DMD: variants seen among roughly 807,000 people sequenced by gnomAD.
The protein encoded by DMD is mutant dystrophin.
DMD carries 63 observed loss-of-function variants against 330.1 expected under a neutral mutation model. That is an observed-to-expected ratio of 0.19 (90% CI 0.16 to 0.24). The LOEUF (loss-of-function observed/expected upper bound fraction) is 0.24, where lower values mean the gene tolerates loss of function less well. DMD is among the 10% of genes least tolerant of loss of function. DMD has a pLI of 1.00. For missense variants in DMD, 3,344 were observed against 2,684.1 expected, an observed-to-expected ratio of 1.25 and a Z score of -5.43; for synonymous variants, 1,223 against 959.8, an observed-to-expected ratio of 1.27 and a Z score of -5.07.
rs1170018974 is a variant in DMD, at chrX:31,373,909, C to T, written c.9085-25275G>A. 8.9e-3 allele frequency among the ~76,000 whole-genome samples: 972 copies of T among 109,672 alleles called. 14 individuals are homozygous for T. Among genetic ancestry groups the T allele is most frequent in the African/African-American group, 0.03 (905 of 29,863 alleles). On this transcript the variant is annotated intron_variant, in intron 60 of 78. Transcript: ENST00000357033. ...ACCTACAAAATGGGAGAAAAATTTT[C>T]GCAACCTGCTCATCTGACAAAGGGC... is the stretch of plus-strand genomic sequence containing the variant.
intron 70 of DMD, 39 bp downstream of exon 70, chrX:31,178,630 C>T: frequency 8.4e-7 from 1 of 1,188,312 alleles, no homozygotes; most frequent in Non-Finnish European, 1.1e-6. Context: ...TTCAAATATA[C>T]ATCAAACAAG....
At chrX:31,732,169 C>T (rs994959738) in intron 51 of DMD, among the ~76,000 whole-genome samples, 4 of 94,168 alleles carry the variant, frequency 4.2e-5, no homozygotes, top group Non-Finnish European at 8.3e-5. Flanking sequence ...AACTGCAGTA[C>T]AACTATGCAT....
chrX:32,663,378 A>G (rs1233056695), intron 9 of DMD, among the ~76,000 whole-genome samples: 1 of 111,986 alleles, frequency 8.9e-6, no homozygotes, highest in East Asian at 2.8e-4. Flanking sequence ...TGTCTAGCCT[A>G]TCTACTGGCA....
At chrX:32,667,578 T>C (rs1030367829) in intron 9 of DMD, among the ~76,000 whole-genome samples, 3 of 111,464 alleles carry the variant, frequency 2.7e-5, no homozygotes, top group African/African-American at 6.5e-5. Flanking sequence ...TAGGACATGA[T>C]AATCATCTAA....
At position 32,386,311 on chromosome X, in the gene DMD, T is replaced by G; in HGVS notation, c.4673A>C (p.Lys1558Thr). 1 of 1,206,912 alleles carries G rather than the reference T, an allele frequency of 8.3e-7. No individual in the cohort carries two copies. The highest frequency in any genetic ancestry group is 2.3e-4 in the Middle Eastern group (1 of 4,341). ...LKLHYNELGA[K>T]VTERKQQLEK... ...TTTGTGGTCTCAGCATGCACACACC[T>G]TTGCTCCCAGCTCATTATAATGCAA... The change falls in exon 33 of 79, where the codon AAG becomes ACG. Residue 1558 changes from lysine to threonine, a missense_variant and splice_region_variant. Lys to Thr is a moderately conservative substitution (Grantham distance 78, BLOSUM62 -1). Transcript: ENST00000357033.
intron 45 of DMD, among the ~76,000 whole-genome samples, chrX:31,958,828 G>A (rs1416950544): frequency 3.6e-5 from 4 of 111,401 alleles, no homozygotes; most frequent in East Asian, 5.7e-4. Context: ...ATTCAAATGC[G>A]TGTTTTCTGA....
intron 44 of DMD, among the ~76,000 whole-genome samples, chrX:31,972,240 G>C (rs773830715): frequency 9.0e-6 from 1 of 111,447 alleles, no homozygotes; most frequent in Non-Finnish European, 1.9e-5. Flanking sequence ...CTAAATTATA[G>C]AAAATAACAC....
At chrX:33,201,667 C>T (rs1192983228) in intron 1 of DMD, among the ~76,000 whole-genome samples, 2 of 112,125 alleles carry the variant, frequency 1.8e-5, no homozygotes, top group Admixed American at 1.9e-4. Flanking sequence ...TGTAAAAAGG[C>T]AACAGTAATT....
At chrX:31,652,838 G>A (rs1432238308) in intron 54 of DMD, among the ~76,000 whole-genome samples, 1 of 110,811 alleles carries the variant, frequency 9.0e-6, no homozygotes, top group Non-Finnish European at 1.9e-5. Context: ...TAAAGAACAG[G>A]AAACAGTAAT....
intron 1 of DMD, among the ~76,000 whole-genome samples, chrX:33,192,381 T>C (rs2050704843): frequency 8.9e-6 from 1 of 112,439 alleles, no homozygotes; most frequent in Admixed American, 9.5e-5. Flanking sequence ...AAATGAATGC[T>C]CTGCTCTCAT....
At chrX:32,913,019 T>A (rs866699642) in intron 2 of DMD, among the ~76,000 whole-genome samples, 1 of 112,312 alleles carries the variant, frequency 8.9e-6, no homozygotes, top group African/African-American at 3.2e-5. Context: ...TGTTTTTGTT[T>A]TTGTTTTTTA....
At chrX:33,174,910 T>C (rs975517560) in intron 1 of DMD, among the ~76,000 whole-genome samples, 1 of 112,070 alleles carries the variant, frequency 8.9e-6, no homozygotes, top group African/African-American at 3.2e-5. Flanking sequence ...ATCATATCCC[T>C]AAGGGAGCTA....
chrX:31,816,918 G>A (rs2092646030), intron 50 of DMD, among the ~76,000 whole-genome samples: 1 of 111,219 alleles, frequency 9.0e-6, no homozygotes, highest in Non-Finnish European at 1.9e-5. Context: ...TTAACTGCTG[G>A]CCAGCTGCAT....
chrX:32,189,541 A>C (rs1420770465), intron 44 of DMD, among the ~76,000 whole-genome samples: 2 of 111,196 alleles, frequency 1.8e-5, no homozygotes, highest in Admixed American at 9.6e-5. Context: ...TAAAATATTT[A>C]CTATCTGCCC....
chrX:31,483,326 G>T (rs528994311), intron 57 of DMD, among the ~76,000 whole-genome samples: 1 of 111,582 alleles, frequency 9.0e-6, no homozygotes, highest in Admixed American at 9.5e-5. Flanking sequence ...GATTACAGGC[G>T]TGAGCCACCA....
intron 2 of DMD, among the ~76,000 whole-genome samples, chrX:32,895,070 A>G (rs2085577309): frequency 8.9e-6 from 1 of 112,182 alleles, no homozygotes; most frequent in South Asian, 3.7e-4. Context: ...ATGGCAAAGC[A>G]AGAGCAAGCT....
chrX:31,549,587 A>G (rs752051936), intron 55 of DMD, among the ~76,000 whole-genome samples: 1 of 112,296 alleles, frequency 8.9e-6, no homozygotes, highest in African/African-American at 3.2e-5. Flanking sequence ...CACAAATAGA[A>G]TTCAAAGTTC....
At chrX:32,183,234 A>G (rs773318278) in intron 44 of DMD, among the ~76,000 whole-genome samples, 1 of 111,168 alleles carries the variant, frequency 9.0e-6, no homozygotes, top group East Asian at 2.8e-4. Flanking sequence ...CTAAATGCCA[A>G]CTGTGAACAA....
chrX:32,949,247 TACATACAC>T (rs1448403680), intron 2 of DMD, among the ~76,000 whole-genome samples: 5 of 65,457 alleles, frequency 7.6e-5, no homozygotes, highest in African/African-American at 3.3e-4. Flanking sequence ...ATTAAATCGT[TACATACAC>T]ACACACACAC....
Sources: gnomAD v4.1 joint callset for allele counts (sites outside exome capture counted in the v4.1 genomes callset) on GRCh38, gnomAD v4.1.1 for gene constraint, MANE v1.5 for transcripts, NCBI Gene and HGNC (gene_info 2026-07-23, HGNC 2026-07-21) for gene names.